The following LRRC74B variants were observed in gnomAD, a reference collection of about 807,000 sequenced individuals.
The protein encoded by LRRC74B is leucine rich repeat containing 74B, also known as leucine-rich repeat-containing protein 74B.
Under a neutral mutation model 16.6 loss-of-function variants are expected in LRRC74B, and 30 were observed. The observed-to-expected ratio is 1.80, with a 90% CI of 1.35 to 2.45. The LOEUF is 2.45. LRRC74B is among the 30% of genes most tolerant of loss of function. The probability of loss-of-function intolerance (pLI) is 0.00; values close to 1 mark genes in which losing one functional copy is unlikely to be tolerated. For missense variants in LRRC74B, 326 were observed against 202.4 expected, an observed-to-expected ratio of 1.61 and a Z score of -3.71; for synonymous variants, 134 against 86.0, an observed-to-expected ratio of 1.56 and a Z score of -3.09.
exon 1 of LRRC74B, chr22:21,046,066 G>A (rs1276488156): frequency 1.4e-6 from 1 of 717,440 alleles, no homozygotes. Flanking sequence ...CGTCTTTCAG[G>A]GGTCCCCGAG....
At chr22:21,052,543 T>C (rs1298701388) in intron 5 of LRRC74B, among the ~76,000 whole-genome samples, 185 bp downstream of exon 5, 1 of 152,232 alleles carries the variant, frequency 6.6e-6, no homozygotes, top group Non-Finnish European at 1.5e-5. Context: ...TACACTGTGC[T>C]CACCGTCACA....
At chr22:21,056,736 C>A in intron 7 of LRRC74B, 1 of 248,280 alleles carries the variant, frequency 4.0e-6, no homozygotes, top group Non-Finnish European at 7.7e-6. Context: ...CTGAGCCCTG[C>A]CCAGATACAC....
chr22:21,058,793 G>A (rs902287212), intron 8 of LRRC74B, among the ~76,000 whole-genome samples: 15 of 152,306 alleles, frequency 9.8e-5, no homozygotes, highest in Non-Finnish European at 2.1e-4. Context: ...TATCCTGCCT[G>A]AATATACACT....
chr22:21,058,908 T>A (rs973838596), intron 8 of LRRC74B, among the ~76,000 whole-genome samples: 2 of 152,218 alleles, frequency 1.3e-5, no homozygotes, highest in African/African-American at 4.8e-5. Context: ...TGTCTATCAA[T>A]GTGAGATCCT....
chr22:21,055,249 A>G (rs753456997), intron 7 of LRRC74B, 73 bp downstream of exon 7: 8 of 673,266 alleles, frequency 1.2e-5, no homozygotes, highest in Non-Finnish European at 1.9e-5. Context: ...TCCCTCCCCC[A>G]CAGCCCCCAC....
intron 5 of LRRC74B, among the ~76,000 whole-genome samples, chr22:21,053,133 C>T (rs1930202200): frequency 1.3e-5 from 2 of 152,196 alleles, no homozygotes; most frequent in African/African-American, 2.4e-5. Context: ...TACACCGGTC[C>T]TTTCCTGTTG....
downstream of LRRC74B, chr22:21,062,162 A>G (rs1337326399): frequency 1.3e-5 from 2 of 152,228 alleles, no homozygotes; most frequent in African/African-American, 2.4e-5. Flanking sequence ...ATGCAAATCT[A>G]TACAGACAGA....
At chr22:21,060,649 G>C (rs1443142751), downstream of LRRC74B, 1 of 606,204 alleles carries the variant, frequency 1.6e-6, no homozygotes, top group Non-Finnish European at 3.0e-6. Flanking sequence ...TCAGCCGTGT[G>C]CTAAGTCCAC....
At chr22:21,061,511 A>G (rs1044457890), downstream of LRRC74B, among the ~76,000 whole-genome samples, 1 of 152,184 alleles carries the variant, frequency 6.6e-6, no homozygotes, top group Non-Finnish European at 1.5e-5. Flanking sequence ...AAAAAATCAC[A>G]TGGCAGCTGG....
chr22:21,057,501 A>G (rs1216469153), intron 8 of LRRC74B, among the ~76,000 whole-genome samples: 2 of 151,020 alleles, frequency 1.3e-5, no homozygotes, highest in Admixed American at 6.6e-5. Flanking sequence ...TTCGATCTGC[A>G]GGCGCAGCAC....
chr22:21,055,002 C>T, intron 6 of LRRC74B, 96 bp from the exon 7 acceptor site: 1 of 675,096 alleles, frequency 1.5e-6, no homozygotes. Flanking sequence ...AACCTGGTGG[C>T]TGCAATGGCA....
At chr22:21,060,440 G>A (rs1171317730) in exon 9 of LRRC74B, 9 of 716,936 alleles carry the variant, frequency 1.3e-5, no homozygotes, top group Non-Finnish European at 2.1e-5. Context: ...CCAGAACTCT[G>A]CATAAAGACT....
At chr22:21,056,817 T>G (rs957699138) in intron 7 of LRRC74B, 2 of 382,532 alleles carry the variant, frequency 5.2e-6, no homozygotes, top group African/African-American at 4.2e-5. Context: ...ACACCACATT[T>G]CATGATGCTT....
chr22:21,050,743 A>G (rs1462442712), intron 4 of LRRC74B, among the ~76,000 whole-genome samples: 3 of 147,618 alleles, frequency 2.0e-5, no homozygotes, highest in African/African-American at 5.1e-5. Context: ...GCACCACTGC[A>G]GTCCGGCCTG....
intron 8 of LRRC74B, among the ~76,000 whole-genome samples, chr22:21,059,420 G>C (rs544223215): frequency 1.3e-5 from 2 of 152,078 alleles, no homozygotes; most frequent in African/African-American, 4.8e-5. Flanking sequence ...AAATTAGCTG[G>C]ATGTGGTGGT....
At chr22:21,046,373 A>G (rs1446850173) in intron 1 of LRRC74B, among the ~76,000 whole-genome samples, 10 of 134,354 alleles carry the variant, frequency 7.4e-5, no homozygotes, top group Admixed American at 1.5e-4. Flanking sequence ...ATCCACAGGA[A>G]AAACTAAGCT....
downstream of LRRC74B, chr22:21,061,746 G>A (rs1423943362): frequency 2.6e-5 from 4 of 152,098 alleles, no homozygotes; most frequent in Non-Finnish European, 2.9e-5. Flanking sequence ...AAGAAATGAA[G>A]ACATATGTCC....
rs5997221 is a variant in LRRC74B at position 21,047,531 on chromosome 22, C to T, written c.282+33C>T. 2,272 of 714,844 alleles carry T rather than the reference C, an allele frequency of 3.2e-3. 34 individuals are homozygous for T. The highest frequency in any genetic ancestry group is 0.03 in the African/African-American group (1,724 of 57,356). The allele number at this position is 714,844 out of a possible 1,614,324, so 44.3% of individuals were successfully genotyped here. A position where few individuals can be genotyped will look rare whatever the true frequency, so the allele number is the denominator to read the frequency against. The stretch of plus-strand genomic sequence containing the variant: ...TGGAGGGACACTGTATCCAGGCTTA[C>T]GGGGAGAGGCCTCGGGAGACAGCAG... On this transcript the variant is annotated intron_variant, in intron 2 of 8. Coordinates refer to ENST00000442047, the Ensembl canonical transcript of LRRC74B.
Position 21,047,618 on chromosome 22 carries a change from C to A in LRRC74B, c.282+120C>A, listed in dbSNP as rs1929574064. The A allele has an allele frequency of 6.3e-6, 4 of 635,224 alleles. No homozygotes were observed. The Admixed American group carries it at 9.8e-5, about 16-fold the overall frequency. 39.3% of individuals were successfully genotyped at this position (635,224 alleles called of 1,614,324 possible). A position where few individuals can be genotyped will look rare whatever the true frequency, so the allele number is the denominator to read the frequency against. ...CCAGCTTCTGCCTGTGTCAGTCATG[C>A]CCTACCCTCCACATCTGGGAGACAG... On this transcript the variant is annotated intron_variant, in intron 2 of 8. Coordinates refer to ENST00000442047, the Ensembl canonical transcript of LRRC74B.
Sources: allele counts gnomAD v4.1 joint callset (sites outside exome capture counted in the v4.1 genomes callset), GRCh38; gene constraint gnomAD v4.1.1; transcripts MANE v1.5; gene names NCBI Gene and HGNC (gene_info 2026-07-23, HGNC 2026-07-21).